ABHD8: variants seen among roughly 807,000 people sequenced by gnomAD.
The protein encoded by ABHD8 is protein ABHD8.
In ABHD8, 10 loss-of-function variants were observed where a neutral mutation model predicts 29.3. That is an observed-to-expected ratio of 0.34 (90% CI 0.21 to 0.58). The LOEUF (loss-of-function observed/expected upper bound fraction) is 0.58. ABHD8 is among the 20% of genes least tolerant of loss of function. The pLI is 0.85. For synonymous variants in ABHD8, 282 were observed against 274.6 expected (o/e 1.03, Z -0.27); for missense variants, 556 against 615.3 (o/e 0.90, Z 1.02).
chr19:17,301,516 G>C lies in ABHD8; in HGVS notation c.101C>G (p.Thr34Ser). The C allele has an allele frequency of 6.2e-7, 1 of 1,611,348 alleles. No individual in the cohort carries two copies. The highest frequency in any genetic ancestry group is 8.5e-7 in the Non-Finnish European group (1 of 1,179,382). Residue 34 changes from threonine to serine, a missense_variant, in exon 2 of 5, where the codon ACC becomes AGC. Around this residue, in one of 2 missense-constraint regions of ABHD8, gnomAD observed 286 missense variants for 261.4 expected, o/e 1.09. Coordinates refer to ENST00000247706, the MANE Select transcript of ABHD8 (RefSeq NM_024527.5). ...GCGGCCGGGCTTGACCTCTACAAAG[G>C]TGTAGCCATCGCTGGACTCGACGCT... ...LESVESSDGYTFVEVKPGRVL... is the reference protein window; with the variant it reads ...LESVESSDGYSFVEVKPGRVL...
intron 1 of ABHD8, 42 bp from the exon 2 acceptor site, chr19:17,301,666 G>A: frequency 6.7e-7 from 1 of 1,502,504 alleles, no homozygotes. Flanking sequence ...CTGTCTCAAT[G>A]AGAACCCTGC....
chr19:17,301,604 C>A lies in ABHD8; in HGVS notation c.13G>T (p.Val5Leu), dbSNP rs1431301310. 1 of 1,553,930 alleles carries A rather than the reference C, an allele frequency of 6.4e-7. No individual in the cohort carries two copies. Among genetic ancestry groups the A allele is most frequent in the Admixed American group, 1.8e-5 (1 of 57,034 alleles). Residue 5 changes from valine to leucine, a missense_variant, in exon 2 of 5, where the codon GTG becomes TTG. Around this residue, in one of 2 missense-constraint regions of ABHD8, gnomAD observed 286 missense variants for 261.4 expected, o/e 1.09. Coordinates refer to ENST00000247706, the MANE Select transcript of ABHD8 (RefSeq NM_024527.5). MLTG[V>L]TDGIFCCLLG... ...AGGCAACAGAAGATACCGTCGGTCA[C>A]CCCGGTCAGCATGGTGTGTCCTGTG... is the stretch of plus-strand genomic sequence containing the variant.
At position 17,294,817 on chromosome 19, in the gene ABHD8, C is replaced by T; in HGVS notation, c.790G>A (p.Glu264Lys). Residue 264 changes from glutamate (E) to lysine (K), a missense_variant, in exon 3 of 5, where the codon GAG becomes AAG. Glu to Lys is a moderately conservative substitution (Grantham distance 56). This residue lies in a region of ABHD8 where 270 missense variants were observed against 353.9 expected (regional missense o/e 0.76). Transcript: ENST00000247706. ...GVSFCTFLAH[E>K]YPDLVHKVIM... ...ACCTTGTGCACTAGGTCTGGGTACT[C>T]ATGTGCCAGGAATGTGCAGAAAGAG... 2 of 1,614,146 alleles carry T rather than the reference C, an allele frequency of 1.2e-6. No homozygotes were observed. The highest frequency in any genetic ancestry group is 1.7e-6 in the Non-Finnish European group (2 of 1,180,002).
chr19:17,292,678 G>C lies in ABHD8; in HGVS notation c.1303C>G (p.Pro435Ala). ...KALPEPLPAP[P>A]EDKK Reference sequence around the variant, plus strand: ...CCCAGCGGCTACTTCTTGTCTTCTGGAGGCGCCGGCAGTGGCTCCGGTAGA... The same window carrying C: ...CCCAGCGGCTACTTCTTGTCTTCTGCAGGCGCCGGCAGTGGCTCCGGTAGA... The change falls in exon 5 of 5, where the codon CCA (proline) becomes GCA (alanine). Residue 435 changes from proline to alanine, a missense_variant. This residue lies in a region of ABHD8 where 270 missense variants were observed against 353.9 expected (regional missense o/e 0.76). Transcript: ENST00000247706. 1 of 1,611,412 alleles carries C rather than the reference G, an allele frequency of 6.2e-7. No individual in the cohort carries two copies. The highest frequency in any genetic ancestry group is 2.2e-5 in the East Asian group (1 of 44,796).
rs62126250 is a variant in ABHD8 at position 17,295,266 on chromosome 19, C to T, written c.762-421G>A. Among the ~76,000 whole-genome samples, 13 of 151,410 alleles carry T rather than the reference C, an allele frequency of 8.6e-5. 1 individual carries two copies. Among genetic ancestry groups the T allele is most frequent in the African/African-American group, 2.2e-4 (9 of 41,282 alleles). Reference sequence around the variant, plus strand: ...GACTACAGGCGCCCGCCACCGCGCCCGGCTAATTTTTTGTATTTTTAGTAG... The same window carrying T: ...GACTACAGGCGCCCGCCACCGCGCCTGGCTAATTTTTTGTATTTTTAGTAG... On this transcript the variant is annotated intron_variant, in intron 2 of 4. Coordinates refer to ENST00000247706, the MANE Select transcript of ABHD8 (RefSeq NM_024527.5).
At chr19:17,295,129 C>A (rs1327448382) in intron 2 of ABHD8, among the ~76,000 whole-genome samples, 1 of 119,386 alleles carries the variant, frequency 8.4e-6, no homozygotes, top group Non-Finnish European at 1.6e-5. Context: ...GACGGAGTCT[C>A]GCTCTGTCGC....
chr19:17,295,090 ATT>A (rs779607230), intron 2 of ABHD8, among the ~76,000 whole-genome samples: 4 of 80,410 alleles, frequency 5.0e-5, no homozygotes, highest in African/African-American at 2.0e-4. Flanking sequence ...CACCCAGGTA[ATT>A]TTTTTTTTTT....
chr19:17,297,102 C>A (rs1405881273), intron 2 of ABHD8, among the ~76,000 whole-genome samples: 3 of 152,198 alleles, frequency 2.0e-5, no homozygotes, highest in African/African-American at 7.2e-5. Context: ...GTTTGCCAGC[C>A]CCTGCTGTAA....
intron 2 of ABHD8, chr19:17,298,573 C>G (rs189692290): frequency 6.1e-4 from 93 of 152,164 alleles, no homozygotes; most frequent in African/African-American, 2.1e-3. Flanking sequence ...CCAGGGCACG[C>G]TTGGCAACTA....
Position 17,301,512 on chromosome 19 carries a change from A to C in ABHD8, c.105T>G (p.Phe35Leu). The C allele has an allele frequency of 6.2e-7, 1 of 1,611,616 alleles. No homozygotes were observed. ...GCACGCGGCCGGGCTTGACCTCTAC[A>C]AAGGTGTAGCCATCGCTGGACTCGA... ...ESVESSDGYT[F>L]VEVKPGRVLR... Residue 35 changes from phenylalanine (F) to leucine (L), a missense_variant, in exon 2 of 5, where the codon TTT becomes TTG. Around this residue, in one of 2 missense-constraint regions of ABHD8, gnomAD observed 286 missense variants for 261.4 expected, o/e 1.09. Transcript: ENST00000247706.
chr19:17,301,538 C>G lies in ABHD8; in HGVS notation c.79G>C (p.Val27Leu). The part of the protein sequence containing the change: ...PPNAVGPLES[V>L]ESSDGYTFVE... ...AAGGTGTAGCCATCGCTGGACTCGA[C>G]GCTCTCCAGTGGCCCCACGGCGTTG... The change falls in exon 2 of 5, where the codon GTC becomes CTC. Residue 27 changes from valine to leucine, a missense_variant. Val to Leu is a conservative substitution (Grantham distance 32, BLOSUM62 1). Transcript: ENST00000247706. The G allele has an allele frequency of 7.5e-6, 12 of 1,609,700 alleles. No individual in the cohort carries two copies. The highest frequency in any genetic ancestry group is 1.0e-5 in the Non-Finnish European group (12 of 1,178,418).
chr19:17,300,500 C>T (rs1324433841), intron 2 of ABHD8, among the ~76,000 whole-genome samples: 1 of 152,080 alleles, frequency 6.6e-6, no homozygotes, highest in South Asian at 2.1e-4. Context: ...AGTGGCATCT[C>T]AGAGTCTCCC....
At position 17,301,398 on chromosome 19, in the gene ABHD8, G is replaced by A. The variant is rs147441347; in HGVS notation, c.219C>T (p.Ser73=). 873 of 1,611,862 alleles carry A rather than the reference G, an allele frequency of 5.4e-4. 4 individuals are homozygous for A. The African/African-American group carries it at 0.01, about 19-fold the overall frequency. Residue 73 remains serine (S), a synonymous_variant, in exon 2 of 5, where the codon TCC becomes TCT. Transcript: ENST00000247706. ...TCCGGCGCTGACAGCGGACCAAGCC[G>A]GAGAGGTCCCCCTGGGCTGCATCCG... ...ASSDAAQGDL[S]GLVRCQRRIT... is the part of the protein sequence containing the mutation.
rs370502455 is a variant in ABHD8, at chr19:17,294,501, G to A, written c.936C>T (p.Ala312=). ...SPCLAWSFLK[A]GFARQGAKEK... ...CCTTGGCTCCTTGGCGGGCGAAGCC[G>A]GCCCTGGTGGTGGTGGAGGCACCGC... The change falls in exon 4 of 5, where the codon GCC becomes GCT. Residue 312 remains alanine (A), a synonymous_variant. Transcript: ENST00000247706. 1.2e-6 allele frequency: 2 copies of A among 1,613,642 alleles called. No individual in the cohort carries two copies. Among genetic ancestry groups the A allele is most frequent in the Non-Finnish European group, 1.7e-6 (2 of 1,179,996 alleles).
rs75778789 is a variant in ABHD8 at position 17,300,338 on chromosome 19, G to T, written c.761+518C>A. Among the ~76,000 whole-genome samples, 1,002 of 151,514 alleles carry T rather than the reference G, an allele frequency of 6.6e-3. 5 individuals carry two copies. Among genetic ancestry groups the T allele is most frequent in the Middle Eastern group, 0.02 (6 of 294 alleles). ...TCCTGCCTCAGCCCTTAAGTAGGTG[G>T]AACTATATGCGTGCACCTCCTCACC... On this transcript the variant is annotated intron_variant, in intron 2 of 4. Coordinates refer to ENST00000247706, the MANE Select transcript of ABHD8 (RefSeq NM_024527.5).
intron 1 of ABHD8, 31 bp from the exon 2 acceptor site, chr19:17,301,655 G>C: frequency 6.6e-7 from 1 of 1,509,990 alleles, no homozygotes; most frequent in Non-Finnish European, 8.8e-7. Flanking sequence ...CAGTTCAGGT[G>C]CTGTCTCAAT....
chr19:17,292,948 T>C, intron 4 of ABHD8, 117 bp from the exon 5 acceptor site: 1 of 1,174,786 alleles, frequency 8.5e-7, no homozygotes, highest in African/African-American at 1.5e-5. Context: ...CCTCCTCCCA[T>C]CTACCCTGCA....
chr19:17,301,738 G>T lies in ABHD8; in HGVS notation c.-8-114C>A. On this transcript the variant is annotated intron_variant, in intron 1 of 4. Coordinates refer to ENST00000247706, the MANE Select transcript of ABHD8 (RefSeq NM_024527.5). The stretch of plus-strand genomic sequence containing the variant: ...TGTTTTAGACTCCAGTTTGGGGAGC[G>T]CCAGATCAAGTGAGCCACGGCACTG... The T allele has an allele frequency of 2.4e-6, 3 of 1,260,640 alleles. No individual in the cohort carries two copies. The Admixed American group carries it at 1.0e-4, about 43-fold the overall frequency. 78.1% of individuals were successfully genotyped at this position (1,260,640 alleles called of 1,614,324 possible).
chr19:17,299,167 C>T (rs941997803), intron 2 of ABHD8, among the ~76,000 whole-genome samples: 1 of 151,226 alleles, frequency 6.6e-6, no homozygotes, highest in East Asian at 1.9e-4. Flanking sequence ...CCCACCACAT[C>T]GGGAGGCCAA....
Sources: allele counts gnomAD v4.1 joint callset (sites outside exome capture counted in the v4.1 genomes callset), GRCh38; gene constraint gnomAD v4.1.1; regional missense constraint gnomAD v4.1.1; transcripts MANE v1.5; gene names NCBI Gene and HGNC (gene_info 2026-07-23, HGNC 2026-07-21).